Variants in ETV3 observed in about 807,000 individuals in gnomAD.
The protein encoded by ETV3 is ETS variant transcription factor 3.
A neutral mutation model predicts 33.0 loss-of-function variants in ETV3; 8 were observed. The ratio of observed to expected loss-of-function variants is 0.24; its 90% CI spans 0.14 to 0.44. ETV3 has a LOEUF of 0.44. Ranked by LOEUF, ETV3 falls within the 20% of genes least tolerant of loss-of-function variation. The probability of loss-of-function intolerance (pLI) is 1.00; values close to 1 mark genes in which losing one functional copy is unlikely to be tolerated. For missense variants in ETV3, 473 were observed against 652.3 expected, an observed-to-expected ratio of 0.73 and a Z score of 2.99; for synonymous variants, 222 against 238.9, an observed-to-expected ratio of 0.93 and a Z score of 0.65.
intron 4 of ETV3, among the ~76,000 whole-genome samples, chr1:157,127,110 C>T (rs1674858639): frequency 6.6e-6 from 1 of 152,260 alleles, no homozygotes; most frequent in African/African-American, 2.4e-5. Context: ...GGATGCACCG[C>T]TTCGCCGCAT....
In ETV3 at chr1:157,125,891, A is replaced by T. The variant is rs745838244; in HGVS notation, c.489T>A (p.Asp163Glu). ...PPLDTHSPTN[D>E]VQPGRFSASS... ...TAGCAGAGAACCGTCCCGGCTGCAC[A>T]TCATTGGTTGGAGAATGGGTGTCCA... The change falls in exon 5 of 5, where the codon GAT becomes GAA. Residue 163 changes from aspartate (D) to glutamate (E), a missense_variant. This residue lies in a region of ETV3 where 410 missense variants were observed against 520.2 expected (regional missense o/e 0.79). Coordinates refer to ENST00000368192, the MANE Select transcript of ETV3 (RefSeq NM_001145312.3). This position sits in a 1 kb window ranked among gnomAD's most constrained non-coding sequence, Gnocchi z 4.0. 6 of 1,551,776 alleles carry T rather than the reference A, an allele frequency of 3.9e-6. No individual in the cohort carries two copies. Among genetic ancestry groups the T allele is most frequent in the Non-Finnish European group, 4.4e-6 (5 of 1,147,010 alleles).
At position 157,122,181 on chromosome 1, in the gene ETV3, A is replaced by T. The variant is rs540235831; in HGVS notation, c.*2660T>A. The stretch of plus-strand genomic sequence containing the variant: ...GTGATGAGATGCTCACAGAAGAAAA[A>T]GGCCTGGCTTTGTACCAGGCTGGCG... On this transcript the variant is annotated 3_prime_UTR_variant, in exon 5 of 5. Transcript: ENST00000368192. 7 of 152,224 alleles carry T rather than the reference A, an allele frequency of 4.6e-5. No individual in the cohort carries two copies. The East Asian group carries it at 1.4e-3, about 29-fold the overall frequency. 9.4% of individuals were successfully genotyped at this position (152,224 alleles called of 1,614,324 possible). A position where few individuals can be genotyped will look rare whatever the true frequency, so the allele number is the denominator to read the frequency against.
In ETV3 at chr1:157,126,710, G is replaced by T. The variant is rs573991868; in HGVS notation, c.401-731C>A. 1.6e-4 allele frequency among the ~76,000 whole-genome samples: 24 copies of T among 151,740 alleles called. No homozygotes were observed. In the South Asian group the frequency reaches 5.0e-3, roughly 32 times the overall value. On this transcript the variant is annotated intron_variant, in intron 4 of 4. Transcript: ENST00000368192. ...TGTAGGGAGGGGCAGAGCTGCTCTGGCTGACTGTGCGGAGGGGCAGAGCTG... is the reference window on the plus strand; with the variant it reads ...TGTAGGGAGGGGCAGAGCTGCTCTGTCTGACTGTGCGGAGGGGCAGAGCTG...
chr1:157,127,054 G>A (rs1314275991), intron 4 of ETV3, among the ~76,000 whole-genome samples: 1 of 152,248 alleles, frequency 6.6e-6, no homozygotes. Flanking sequence ...TGCCCTGGCT[G>A]ACTGCACCTC....
Position 157,130,085 on chromosome 1 carries a change from G to A in ETV3, c.400+4027C>T, listed in dbSNP as rs185923346. Among the ~76,000 whole-genome samples, 105 of 152,056 alleles carry A rather than the reference G, an allele frequency of 6.9e-4. 1 individual carries two copies. Among genetic ancestry groups the A allele is most frequent in the African/African-American group, 2.4e-3 (98 of 41,478 alleles). On this transcript the variant is annotated intron_variant, in intron 4 of 4. Transcript: ENST00000368192. ...TCTTGAACACCTGACCTCGTGATCC[G>A]CCCACCTCCGCCTCCCAAAGTGCTG...
At chr1:157,131,607 C>T (rs1166275602) in intron 4 of ETV3, among the ~76,000 whole-genome samples, 1 of 152,144 alleles carries the variant, frequency 6.6e-6, no homozygotes, top group Non-Finnish European at 1.5e-5. Flanking sequence ...GAATTGTTTC[C>T]CTAGAAACTG....
intron 4 of ETV3, chr1:157,133,545 T>G: frequency 1.0e-6 from 1 of 986,152 alleles, no homozygotes; most frequent in Non-Finnish European, 1.2e-6. Context: ...GAAGCCCTAC[T>G]GCACTTAACA....
rs1571696111 is a variant in ETV3 at position 157,125,832 on chromosome 1, T to C, written c.548A>G (p.Asn183Ser). 1 of 1,551,674 alleles carries C rather than the reference T, an allele frequency of 6.4e-7. No individual in the cohort carries two copies. Among genetic ancestry groups the C allele is most frequent in the Non-Finnish European group, 8.7e-7 (1 of 1,146,990 alleles). ...SLTASGQESS[N>S]GTDRKTELSE... The stretch of plus-strand genomic sequence containing the variant: ...AAGCTCAGTCTTTCTATCAGTACCA[T>C]TACTGGACTCCTGGCCAGAAGCAGT... Residue 183 changes from asparagine to serine, a missense_variant, in exon 5 of 5, where the codon AAT (asparagine) becomes AGT (serine). Coordinates refer to ENST00000368192, the MANE Select transcript of ETV3 (RefSeq NM_001145312.3). The surrounding 1 kb of genome is among the most constrained non-coding windows in gnomAD (Gnocchi z 4.0).
chr1:157,137,512 ACACACACAC>A (rs1675147461), intron 1 of ETV3, among the ~76,000 whole-genome samples: 1 of 35,750 alleles, frequency 2.8e-5, no homozygotes, highest in African/African-American at 2.2e-4. Context: ...AAGGAAAAAC[ACACACACAC>A]ACACACACAC....
At chr1:157,136,261 T>TA (rs753658567) in intron 2 of ETV3, 46 bp downstream of exon 2, 1 of 1,583,160 alleles carries the variant, frequency 6.3e-7, no homozygotes, top group Non-Finnish European at 8.7e-7. Context: ...CAGGAACCAC[T>TA]GAGGGAAGCT....
At chr1:157,135,844 C>T (rs1675096295) in intron 2 of ETV3, 136 bp from the exon 3 acceptor site, 1 of 843,588 alleles carries the variant, frequency 1.2e-6, no homozygotes, top group Non-Finnish European at 1.9e-6. Context: ...GTCAGCTGGG[C>T]CTAACCACAA....
chr1:157,124,163 G>A lies in ETV3; in HGVS notation c.*678C>T, dbSNP rs1291819463. 3 of 148,134 alleles carry A rather than the reference G, an allele frequency of 2.0e-5. No homozygotes were observed. The highest frequency in any genetic ancestry group is 3.0e-5 in the Non-Finnish European group (2 of 67,622). The allele number at this position is 148,134 out of a possible 1,614,324, so 9.2% of individuals were successfully genotyped here. A position where few individuals can be genotyped will look rare whatever the true frequency, so the allele number is the denominator to read the frequency against. On this transcript the variant is annotated 3_prime_UTR_variant, in exon 5 of 5. Coordinates refer to ENST00000368192, the MANE Select transcript of ETV3 (RefSeq NM_001145312.3). ...TGCCTTCCCAGCCCCACTATAATTG[G>A]CAGTATGTTTGTTCATGTTTCCTGA...
Position 157,134,141 on chromosome 1 carries a change from T to C in ETV3, c.371A>G (p.Asn124Ser), listed in dbSNP as rs980425502. Residue 124 changes from asparagine to serine, a missense_variant, in exon 4 of 5, where the codon AAC becomes AGC. By Grantham distance (46) the Asn-to-Ser change is conservative (BLOSUM62 1). Coordinates refer to ENST00000368192, the MANE Select transcript of ETV3 (RefSeq NM_001145312.3). ...TGACCGAATGTTGATGAATGGGTAG[T>C]TGGGCATCACCAGCTTGTTGAAGTT... ...KFNFNKLVMP[N>S]YPFINIRSSG... 6.2e-7 allele frequency: 1 copy of C among 1,614,126 alleles called. No individual in the cohort carries two copies.
At position 157,135,526 on chromosome 1, in the gene ETV3, C is replaced by T; in HGVS notation, c.229G>A (p.Gly77Ser). 2 of 1,614,018 alleles carry T rather than the reference C, an allele frequency of 1.2e-6. No homozygotes were observed. The highest frequency in any genetic ancestry group is 1.7e-6 in the Non-Finnish European group (2 of 1,179,958). Residue 77 changes from glycine to serine, a missense_variant, in exon 3 of 5, where the codon GGC (glycine) becomes AGC (serine). This residue lies in a region of ETV3 where 30 missense variants were observed against 94.9 expected (regional missense o/e 0.32). Coordinates refer to ENST00000368192, the MANE Select transcript of ETV3 (RefSeq NM_001145312.3). ...KDPDEVARLWGRRKCKPQMNY... is the reference protein window; with the variant it reads ...KDPDEVARLWSRRKCKPQMNY... ...ATCTGTGGTTTGCATTTCCTGCGGC[C>T]CCAGAGGCGGGCCACCTCATCTGGA...
In ETV3 at chr1:157,125,064, G is replaced by A; in HGVS notation, c.1316C>T (p.Thr439Ile). Residue 439 changes from threonine (T) to isoleucine (I), a missense_variant, in exon 5 of 5, where the codon ACC (threonine) becomes ATC (isoleucine). Physicochemically the swap from Thr to Ile is moderately conservative, Grantham distance 89. Coordinates refer to ENST00000368192, the MANE Select transcript of ETV3 (RefSeq NM_001145312.3). The surrounding 1 kb of genome is among the most constrained non-coding windows in gnomAD (Gnocchi z 4.0). ...PPIWPSVPIS[T>I]PSGEPLEVTE... is the part of the protein sequence containing the mutation. ...CACCTCCAGAGGTTCTCCACTTGGG[G>A]TGCTAATGGGCACAGAGGGCCAGAT... is the stretch of plus-strand genomic sequence containing the variant. The A allele has an allele frequency of 6.5e-7, 1 of 1,548,582 alleles. No homozygotes were observed. The highest frequency in any genetic ancestry group is 8.7e-7 in the Non-Finnish European group (1 of 1,145,380).
At chr1:157,129,620 T>C (rs1674923609) in intron 4 of ETV3, among the ~76,000 whole-genome samples, 1 of 152,210 alleles carries the variant, frequency 6.6e-6, no homozygotes, top group Non-Finnish European at 1.5e-5. Flanking sequence ...TGCAAATGAT[T>C]TGAGTAGAGC....
At chr1:157,135,798 C>T in intron 2 of ETV3, 90 bp from the exon 3 acceptor site, 1 of 1,309,944 alleles carries the variant, frequency 7.6e-7, no homozygotes, top group Non-Finnish European at 1.1e-6. Flanking sequence ...TGCTCAGAAT[C>T]TAGAGTGCTT....
chr1:157,128,400 G>A, intron 4 of ETV3: 1 of 260,124 alleles, frequency 3.8e-6, no homozygotes, highest in South Asian at 4.7e-5. Context: ...TTTGTGTTCA[G>A]AAGTGTGCCC....
chr1:157,123,681 A>G lies in ETV3; in HGVS notation c.*1160T>C, dbSNP rs555937173. On this transcript the variant is annotated 3_prime_UTR_variant, in exon 5 of 5. Transcript: ENST00000368192. ...TTGGCTACCCATCCCAACAATATCA[A>G]GAGGGAATGACTAAGTATCAGCTAG... is the stretch of plus-strand genomic sequence containing the variant. The G allele has an allele frequency of 6.6e-6, 1 of 152,348 alleles. No homozygotes were observed. The highest frequency in any genetic ancestry group is 2.1e-4 in the South Asian group (1 of 4,830). The allele number at this position is 152,348 out of a possible 1,614,324, so 9.4% of individuals were successfully genotyped here.
Sources: allele counts gnomAD v4.1 joint callset (sites outside exome capture counted in the v4.1 genomes callset), GRCh38; gene constraint gnomAD v4.1.1; regional missense constraint gnomAD v4.1.1; non-coding constraint Gnocchi (gnomAD v3.1); transcripts MANE v1.5; gene names NCBI Gene and HGNC (gene_info 2026-07-23, HGNC 2026-07-21).